ABCA13: variants seen among roughly 807,000 people sequenced by gnomAD.
ABCA13 encodes the protein ATP-binding cassette sub-family A member 13.
Under a neutral mutation model 478.7 loss-of-function variants are expected in ABCA13, and 476 were observed. That is an observed-to-expected ratio of 0.99 (90% CI 0.92 to 1.07). The LOEUF is 1.07. ABCA13 is among the 50% of genes least tolerant of loss of function. The probability of loss-of-function intolerance (pLI) is 0.00; values close to 1 mark genes in which losing one functional copy is unlikely to be tolerated. For missense variants in ABCA13, 6,060 were observed against 5,910.6 expected (o/e 1.03, Z -0.83); for synonymous variants, 2,252 against 2,158.9 (o/e 1.04, Z -1.20).
Position 48,439,424 on chromosome 7 carries a change from TA to T in ABCA13, c.12565+11559del, listed in dbSNP as rs919158116. 4.7e-4 allele frequency among the ~76,000 whole-genome samples: 72 copies of T among 152,064 alleles called. 1 individual carries two copies. Among genetic ancestry groups the T allele is most frequent in the Non-Finnish European group, 1.3e-4 (9 of 67,980 alleles). On this transcript the variant is annotated intron_variant, in intron 42 of 61. Transcript: ENST00000435803. ...ATTCTCTCTTACATATAAAAGTTAT[TA>T]AAAAATGTATCTCAAAGGAAATGAA...
chr7:48,403,951 A>T, intron 39 of ABCA13, 72 bp downstream of exon 39: 1 of 1,510,772 alleles, frequency 6.6e-7, no homozygotes, highest in Non-Finnish European at 9.0e-7. Flanking sequence ...GCTACTGTAC[A>T]GTAGAATCAA....
At position 48,410,373 on chromosome 7, in the gene ABCA13, G is replaced by A. The variant is rs991041947; in HGVS notation, c.12071-147G>A. 4.2e-6 allele frequency: 4 copies of A among 942,194 alleles called. No individual in the cohort carries two copies. The African/African-American group carries it at 4.9e-5, about 12-fold the overall frequency. 58.4% of individuals were successfully genotyped at this position (942,194 alleles called of 1,614,324 possible). On this transcript the variant is annotated intron_variant, in intron 39 of 61. Coordinates refer to ENST00000435803, the MANE Select transcript of ABCA13 (RefSeq NM_152701.5). Reference sequence around the variant, plus strand: ...TTCAGGGCCTCGAATTGGCAAAGTGGCCAGGACGCATTTCAATTTTTTTCA... The same window carrying A: ...TTCAGGGCCTCGAATTGGCAAAGTGACCAGGACGCATTTCAATTTTTTTCA...
intron 52 of ABCA13, among the ~76,000 whole-genome samples, chr7:48,518,528 A>G (rs1406336212): frequency 2.0e-5 from 3 of 152,200 alleles, no homozygotes; most frequent in Non-Finnish European, 4.4e-5. Flanking sequence ...CTTGTTAAAA[A>G]AAAAATCAAC....
At chr7:48,606,833 T>G (rs1325891049) in intron 58 of ABCA13, among the ~76,000 whole-genome samples, 1 of 152,184 alleles carries the variant, frequency 6.6e-6, no homozygotes, top group Non-Finnish European at 1.5e-5. Context: ...TTCCCCCAGG[T>G]GCTCTGTCTC....
At position 48,273,033 on chromosome 7, in the gene ABCA13, C is replaced by T; in HGVS notation, c.3367C>T (p.Pro1123Ser). The T allele has an allele frequency of 6.2e-7, 1 of 1,613,580 alleles. No homozygotes were observed. The highest frequency in any genetic ancestry group is 2.2e-5 in the East Asian group (1 of 44,868). The change falls in exon 17 of 62, where the codon CCA (proline) becomes TCA (serine). Residue 1123 changes from proline (P) to serine (S), a missense_variant. Pro to Ser is a moderately conservative substitution (Grantham distance 74, BLOSUM62 -1). This residue lies in a region of ABCA13 where 4,423 missense variants were observed against 4,309.1 expected (regional missense o/e 1.03). Transcript: ENST00000435803. The part of the protein sequence containing the change: ...STSEESSFVF[P>S]LAQIFSNLSA... ...AAGTGAGGAGTCTTCATTTGTTTTT[C>T]CATTGGCACAAATTTTTTCAAACCT...
chr7:48,502,716 C>T (rs1243848015), intron 48 of ABCA13, among the ~76,000 whole-genome samples: 1 of 152,222 alleles, frequency 6.6e-6, no homozygotes, highest in African/African-American at 2.4e-5. Flanking sequence ...TCCTAAATAT[C>T]TGTGCTTCAG....
At chr7:48,468,174 G>A (rs1827093656) in intron 44 of ABCA13, among the ~76,000 whole-genome samples, 1 of 152,056 alleles carries the variant, frequency 6.6e-6, no homozygotes, top group African/African-American at 2.4e-5. Context: ...AAAAACAAAA[G>A]GTAGAATCAA....
At chr7:48,382,308 C>G (rs116243480) in intron 35 of ABCA13, among the ~76,000 whole-genome samples, 1 of 152,170 alleles carries the variant, frequency 6.6e-6, no homozygotes, top group East Asian at 1.9e-4. Context: ...GACCATGTCC[C>G]TCCCCTGCAT....
intron 44 of ABCA13, among the ~76,000 whole-genome samples, chr7:48,469,703 G>A (rs375827365): frequency 2.6e-5 from 4 of 152,118 alleles, no homozygotes; most frequent in East Asian, 3.9e-4. Flanking sequence ...GGCGGATCAC[G>A]AGGTCAGGAG....
intron 52 of ABCA13, among the ~76,000 whole-genome samples, chr7:48,517,702 G>A (rs1051274635): frequency 6.6e-6 from 1 of 152,142 alleles, no homozygotes; most frequent in Non-Finnish European, 1.5e-5. Flanking sequence ...ACTTTCCTCT[G>A]CACCCTTATT....
intron 58 of ABCA13, among the ~76,000 whole-genome samples, chr7:48,603,449 A>G (rs1791123617): frequency 6.6e-6 from 1 of 152,138 alleles, no homozygotes; most frequent in Non-Finnish European, 1.5e-5. Context: ...GGGCTGTTGA[A>G]TTTTGTCGAA....
At chr7:48,444,204 G>A (rs1422349215) in intron 42 of ABCA13, among the ~76,000 whole-genome samples, 1 of 152,136 alleles carries the variant, frequency 6.6e-6, no homozygotes, top group Non-Finnish European at 1.5e-5. Context: ...TAAAGACAAA[G>A]CAGCATAAGA....
chr7:48,225,135 G>GCCTTCCTGCCTTCCTTCCTT (rs1554353697), intron 5 of ABCA13, among the ~76,000 whole-genome samples: 6 of 69,862 alleles, frequency 8.6e-5, no homozygotes, highest in Non-Finnish European at 1.8e-4. Context: ...CTGCCTGCCT[G>GCCTTCCTGCCTTCCTTCCTT]CCTTCCTTCC....
rs1327899858 is a variant in ABCA13, at chr7:48,248,464, G to C, written c.1865+20G>C. The stretch of plus-strand genomic sequence containing the variant: ...CACAGTGTAAGTACATGTTTGGTGG[G>C]AAACTTATAAACAATTGGGACATCA... On this transcript the variant is annotated intron_variant, in intron 14 of 61. Transcript: ENST00000435803. 6 of 1,534,758 alleles carry C rather than the reference G, an allele frequency of 3.9e-6. No homozygotes were observed. In the East Asian group the frequency reaches 1.4e-4, roughly 35 times the overall value.
intron 24 of ABCA13, among the ~76,000 whole-genome samples, chr7:48,311,513 G>A (rs1383301623): frequency 6.6e-6 from 1 of 152,098 alleles, no homozygotes; most frequent in Non-Finnish European, 1.5e-5. Context: ...TGCTACTTTA[G>A]TGGCCACTTT....
chr7:48,637,380 G>GAAAA (rs1794727558), intron 59 of ABCA13, among the ~76,000 whole-genome samples: 2 of 6,576 alleles, frequency 3.0e-4, no homozygotes, highest in Non-Finnish European at 5.5e-4. Context: ...TGTTCATAAA[G>GAAAA]CAAAAAAAAA....
intron 41 of ABCA13, among the ~76,000 whole-genome samples, chr7:48,417,238 A>T (rs980550602): frequency 1.3e-5 from 2 of 152,192 alleles, no homozygotes; most frequent in African/African-American, 2.4e-5. Flanking sequence ...GGGTCAAATG[A>T]CAGAATCCCC....
chr7:48,516,168 C>A (rs1031428155), intron 51 of ABCA13, among the ~76,000 whole-genome samples: 41 of 152,232 alleles, frequency 2.7e-4, no homozygotes, highest in Admixed American at 2.0e-3. Context: ...TACGGCTGTC[C>A]CCTTATCTGC....
At chr7:48,293,356 T>C (rs1798860001) in intron 20 of ABCA13, among the ~76,000 whole-genome samples, 1 of 152,220 alleles carries the variant, frequency 6.6e-6, no homozygotes, top group African/African-American at 2.4e-5. Flanking sequence ...GAATGATTCA[T>C]GATTTTCCTT....
Sources: allele counts gnomAD v4.1 joint callset (sites outside exome capture counted in the v4.1 genomes callset), GRCh38; gene constraint gnomAD v4.1.1; regional missense constraint gnomAD v4.1.1; transcripts MANE v1.5; gene names NCBI Gene and HGNC (gene_info 2026-07-23, HGNC 2026-07-21).